The following TLN2 variants were observed in gnomAD, a reference collection of about 807,000 sequenced individuals.
TLN2 encodes the protein talin-2.
A neutral mutation model predicts 294.7 loss-of-function variants in TLN2; 118 were observed. The observed-to-expected ratio is 0.40, with a 90% confidence interval of 0.34 to 0.47. The LOEUF is 0.47. TLN2 is among the 20% of genes least tolerant of loss of function. TLN2 has a pLI of 0.84. For missense variants in TLN2, 3,083 were observed against 3,282.2 expected, an observed-to-expected ratio of 0.94 and a Z score of 1.48; for synonymous variants, 1,431 against 1,304.5, an observed-to-expected ratio of 1.10 and a Z score of -2.09.
At position 62,647,258 on chromosome 15, in the gene TLN2, CTCTT is replaced by C; in HGVS notation, c.-36-15_-36-12del. ...TATTATCGTGAACATCAGGGTTTGTCTCTTTGTGTTTTCCAGACATTCTAAGTGA... is the reference window on the plus strand; with the variant it reads ...TATTATCGTGAACATCAGGGTTTGTCTGTGTTTTCCAGACATTCTAAGTGA... On this transcript the variant is annotated splice_polypyrimidine_tract_variant and intron_variant, in intron 3 of 58. Transcript: ENST00000636159. The C allele has an allele frequency of 3.8e-6, 6 of 1,576,144 alleles. No individual in the cohort carries two copies. Among genetic ancestry groups the C allele is most frequent in the Non-Finnish European group, 2.6e-6 (3 of 1,157,090 alleles).
chr15:62,473,588 G>C (rs2037613653), intron 1 of TLN2, among the ~76,000 whole-genome samples: 1 of 152,124 alleles, frequency 6.6e-6, no homozygotes, highest in Admixed American at 6.5e-5. Flanking sequence ...ATTGAGTACG[G>C]AGCACAAACC....
chr15:62,819,172 CA>C (rs1445736237), intron 52 of TLN2, among the ~76,000 whole-genome samples: 1 of 152,056 alleles, frequency 6.6e-6, no homozygotes, highest in Non-Finnish European at 1.5e-5. Flanking sequence ...AATGTTCTTA[CA>C]GTTTGGTTAA....
At position 62,753,710 on chromosome 15, in the gene TLN2, AT is replaced by A. The variant is rs1167122086; in HGVS notation, c.4333-62del. ...AGCTGCATGTGTAGTGCGGACCATC[AT>A]CCCCAGCAGGCTCACCTAGGAGCAC... is the stretch of plus-strand genomic sequence containing the variant. On this transcript the variant is annotated intron_variant, in intron 35 of 58. Coordinates refer to ENST00000636159, the MANE Select transcript of TLN2 (RefSeq NM_015059.3). 2.0e-6 allele frequency: 3 copies of A among 1,534,376 alleles called. No homozygotes were observed. In the Admixed American group the frequency reaches 5.9e-5, roughly 30 times the overall value.
chr15:62,456,696 G>A (rs1321721546), intron 1 of TLN2, among the ~76,000 whole-genome samples: 1 of 149,508 alleles, frequency 6.7e-6, no homozygotes, highest in Non-Finnish European at 1.5e-5. Context: ...TTGAGGTTGG[G>A]AATGAGGGCT....
At chr15:62,414,383 C>A (rs2033961948) in intron 1 of TLN2, among the ~76,000 whole-genome samples, 1 of 136,954 alleles carries the variant, frequency 7.3e-6, no homozygotes, top group African/African-American at 2.6e-5. Context: ...CAGTAAGAAG[C>A]TAGTTTGTCC....
At chr15:62,452,293 G>A (rs1302575774) in intron 1 of TLN2, among the ~76,000 whole-genome samples, 2 of 152,126 alleles carry the variant, frequency 1.3e-5, no homozygotes, top group African/African-American at 4.8e-5. Context: ...CATTTCATTT[G>A]TATCCTGCTG....
At chr15:62,427,540 A>G (rs1174470560) in intron 1 of TLN2, among the ~76,000 whole-genome samples, 1 of 152,026 alleles carries the variant, frequency 6.6e-6, no homozygotes, top group South Asian at 2.1e-4. Context: ...GCTGGGCAGG[A>G]TTTAGCCATG....
At chr15:62,521,052 A>G (rs550566688) in intron 1 of TLN2, among the ~76,000 whole-genome samples, 1 of 152,322 alleles carries the variant, frequency 6.6e-6, no homozygotes, top group East Asian at 1.9e-4. Context: ...GTCTTCTTAC[A>G]GTGTCATTCC....
intron 22 of TLN2, among the ~76,000 whole-genome samples, chr15:62,714,209 CTT>C (rs5813164): frequency 8.0e-5 from 5 of 62,300 alleles, no homozygotes; most frequent in Admixed American, 2.1e-4. Context: ...TTTTTTTTTT[CTT>C]TTTTTTTTTG....
intron 2 of TLN2, among the ~76,000 whole-genome samples, chr15:62,614,628 A>G (rs1171927988): frequency 6.6e-6 from 1 of 152,224 alleles, no homozygotes; most frequent in Non-Finnish European, 1.5e-5. Flanking sequence ...GAATAGACTT[A>G]TAATTAGTGC....
intron 17 of TLN2, among the ~76,000 whole-genome samples, chr15:62,701,463 C>T (rs115737111): frequency 0.013 from 2,047 of 152,280 alleles, 45 homozygotes; most frequent in South Asian, 0.058. Context: ...GATCTTCTCA[C>T]GGCTTGTCAG....
chr15:62,393,375 T>C (rs2032260353), intron 1 of TLN2, among the ~76,000 whole-genome samples: 1 of 152,220 alleles, frequency 6.6e-6, no homozygotes, highest in Non-Finnish European at 1.5e-5. Flanking sequence ...TGTTTTGAAC[T>C]CATCTACTGC....
intron 1 of TLN2, among the ~76,000 whole-genome samples, chr15:62,461,849 C>A (rs1011998212): frequency 3.3e-5 from 5 of 152,184 alleles, no homozygotes; most frequent in Non-Finnish European, 5.9e-5. Flanking sequence ...GAGTGACCAG[C>A]TGTTGGCTAG....
intron 1 of TLN2, among the ~76,000 whole-genome samples, chr15:62,433,904 A>C (rs1035875928): frequency 2.4e-4 from 36 of 151,890 alleles, no homozygotes; most frequent in Non-Finnish European, 5.0e-4. Context: ...CAGGAGAATC[A>C]CTTGAACCCA....
At chr15:62,714,189 G>GTTT (rs5813163) in intron 22 of TLN2, among the ~76,000 whole-genome samples, 4 of 96,400 alleles carry the variant, frequency 4.1e-5, no homozygotes, top group Non-Finnish European at 3.9e-5. Flanking sequence ...CAATGTGCAC[G>GTTT]TTTTTTTTTT....
At chr15:62,580,145 C>T (rs953356606) in intron 1 of TLN2, among the ~76,000 whole-genome samples, 1 of 152,170 alleles carries the variant, frequency 6.6e-6, no homozygotes, top group Admixed American at 6.5e-5. Context: ...AGCACCACAC[C>T]TCTTTCTCTC....
chr15:62,833,285 C>G, intron 54 of TLN2: 2 of 558,708 alleles, frequency 3.6e-6, no homozygotes, highest in Non-Finnish European at 6.1e-6. Context: ...ACACTGTGAC[C>G]CGAGGGTGGC....
chr15:62,738,394 G>A (rs2061143861), intron 30 of TLN2, 61 bp downstream of exon 30: 3 of 1,571,336 alleles, frequency 1.9e-6, no homozygotes, highest in South Asian at 2.4e-5. Flanking sequence ...AGGTGTGAGT[G>A]AAGTCTTCTT....
At chr15:62,613,649 A>G (rs1263024167) in intron 2 of TLN2, among the ~76,000 whole-genome samples, 1 of 152,204 alleles carries the variant, frequency 6.6e-6, no homozygotes, top group Non-Finnish European at 1.5e-5. Context: ...GCCATTGGAT[A>G]CATGCACTCT....
Sources: gnomAD v4.1 joint callset for allele counts (sites outside exome capture counted in the v4.1 genomes callset) on GRCh38, gnomAD v4.1.1 for gene constraint, MANE v1.5 for transcripts, NCBI Gene and HGNC (gene_info 2026-07-23, HGNC 2026-07-21) for gene names.